Variants in NUB1 observed in about 807,000 individuals in gnomAD.
NUB1 encodes NEDD8 ultimate buster 1.
A neutral mutation model predicts 77.1 loss-of-function variants in NUB1; 41 were observed. That is an observed-to-expected ratio of 0.53 (90% CI 0.41 to 0.69). NUB1 has a LOEUF of 0.69. Ranked by LOEUF, NUB1 falls within the 30% of genes least tolerant of loss-of-function variation. The probability of loss-of-function intolerance (pLI) is 0.00; values close to 1 mark genes in which losing one functional copy is unlikely to be tolerated. For missense variants in NUB1, 643 were observed against 743.8 expected (o/e 0.86, Z 1.58); for synonymous variants, 257 against 281.0 (o/e 0.91, Z 0.85).
intron 8 of NUB1, among the ~76,000 whole-genome samples, chr7:151,364,237 G>T (rs1233988295): frequency 7.3e-5 from 11 of 150,440 alleles, no homozygotes; most frequent in Non-Finnish European, 1.5e-4. Flanking sequence ...CTGGCTAACA[G>T]GGCGAAACCC....
intron 5 of NUB1, among the ~76,000 whole-genome samples, chr7:151,354,428 A>G (rs552504788): frequency 1.3e-5 from 2 of 151,556 alleles, no homozygotes; most frequent in African/African-American, 4.8e-5. Flanking sequence ...AAATCCAGCT[A>G]GTTTTCCAGA....
chr7:151,375,988 G>A (rs373230911), intron 13 of NUB1, 45 bp downstream of exon 13: 273 of 1,198,492 alleles, frequency 2.3e-4, no homozygotes, highest in Non-Finnish European at 2.4e-4. Flanking sequence ...AGCCTCGGGT[G>A]GGGTTGCTTG....
chr7:151,363,952 C>G (rs1156484255), intron 8 of NUB1, among the ~76,000 whole-genome samples: 5 of 151,616 alleles, frequency 3.3e-5, no homozygotes, highest in Non-Finnish European at 7.4e-5. Flanking sequence ...CACTACCACT[C>G]CCGACTAGTT....
rs566592043 is a variant in NUB1 at position 151,345,027 on chromosome 7, C to T, written c.-2-321C>T. 1.2e-3 allele frequency among the ~76,000 whole-genome samples: 189 copies of T among 152,172 alleles called. 1 individual carries two copies. Among genetic ancestry groups the T allele is most frequent in the African/African-American group, 4.1e-3 (170 of 41,530 alleles). The stretch of plus-strand genomic sequence containing the variant: ...AAAAGAAAAAAAGAAGTTCACGACT[C>T]GAGGGATTTATCTTTCTCTTATTTT... On this transcript the variant is annotated intron_variant, in intron 1 of 14. Transcript: ENST00000568733.
intron 8 of NUB1, chr7:151,360,934 C>CTTTTTTT (rs1320765849): frequency 2.4e-4 from 5 of 21,054 alleles, no homozygotes; most frequent in Middle Eastern, 0.031. Flanking sequence ...GCTGTGTCGG[C>CTTTTTTT]TTTTTTTTTT....
At chr7:151,343,218 A>AGG (rs949808963) in intron 1 of NUB1, among the ~76,000 whole-genome samples, 2 of 152,240 alleles carry the variant, frequency 1.3e-5, no homozygotes, top group Admixed American at 6.5e-5. Context: ...TGAAAAATGG[A>AGG]GGATTCTCCC....
chr7:151,344,041 C>T (rs1255246289), intron 1 of NUB1, among the ~76,000 whole-genome samples: 2 of 150,790 alleles, frequency 1.3e-5, no homozygotes, highest in Non-Finnish European at 3.0e-5. Context: ...ATCAGCCGGG[C>T]GTGGTGGCGG....
rs1563020004 is a variant in NUB1, at chr7:151,360,143, C to T, written c.696C>T (p.Ala232=). ...TTTAAATTTGTATTTTTTCCTAGGC[C>T]CTTATGTTAGCTATGGGATATCATG... is the stretch of plus-strand genomic sequence containing the variant. ...SIRIPPSERK[A]LMLAMGYHEK... is the part of the protein sequence containing the mutation. The change falls in exon 8 of 15, where the codon GCC becomes GCT. Residue 232 remains alanine, a splice_region_variant and synonymous_variant. Coordinates refer to ENST00000568733, the MANE Select transcript of NUB1 (RefSeq NM_001243351.2). The T allele has an allele frequency of 1.3e-6, 2 of 1,522,112 alleles. No homozygotes were observed. The highest frequency in any genetic ancestry group is 9.1e-7 in the Non-Finnish European group (1 of 1,101,954). The allele number at this position is 1,522,112 out of a possible 1,614,324, so 94.3% of individuals were successfully genotyped here.
At chr7:151,360,502 C>G (rs150264787) in intron 8 of NUB1, 1 of 354,824 alleles carries the variant, frequency 2.8e-6, no homozygotes, top group Non-Finnish European at 5.1e-6. Context: ...TGTTGCTAGT[C>G]GGAACTTTCC....
intron 1 of NUB1, 153 bp downstream of exon 1, chr7:151,341,999 G>GGGGCCC (rs1796230814): frequency 8.0e-7 from 1 of 1,257,012 alleles, no homozygotes; most frequent in African/African-American, 1.6e-5. Context: ...GGCCGGGGCC[G>GGGGCCC]GGGCCGGGGC....
chr7:151,343,612 C>T (rs910625059), intron 1 of NUB1, among the ~76,000 whole-genome samples: 6 of 152,174 alleles, frequency 3.9e-5, no homozygotes, highest in Non-Finnish European at 8.8e-5. Context: ...TGCCAGCTGC[C>T]TTACATCTCA....
chr7:151,364,525 T>TTTG (rs554851535), intron 8 of NUB1, among the ~76,000 whole-genome samples: 1 of 152,112 alleles, frequency 6.6e-6, no homozygotes, highest in Non-Finnish European at 1.5e-5. Flanking sequence ...GGATTTAATT[T>TTTG]TTGTTGTTGT....
rs561465632 is a variant in NUB1, at chr7:151,359,971, A to G, written c.694-170A>G. Among the ~76,000 whole-genome samples, 8 of 152,350 alleles carry G rather than the reference A, an allele frequency of 5.3e-5. No homozygotes were observed. In the South Asian group the frequency reaches 1.4e-3, roughly 28 times the overall value. On this transcript the variant is annotated intron_variant, in intron 7 of 14. Transcript: ENST00000568733. ...TGAAGTGTTTGGCTTCAGTATTTAA[A>G]TGAAATAAAGCTTTAATTAATTATA... is the stretch of plus-strand genomic sequence containing the variant.
intron 11 of NUB1, among the ~76,000 whole-genome samples, chr7:151,372,610 G>C (rs1207713006): frequency 6.6e-6 from 1 of 152,200 alleles, no homozygotes; most frequent in African/African-American, 2.4e-5. Flanking sequence ...CTGCTGGCAT[G>C]TGTGGTTGGG....
In NUB1 at chr7:151,355,957, A is replaced by G. The variant is rs446886; in HGVS notation, c.598+7A>G. 0.67 allele frequency: 1,081,214 copies of G among 1,612,314 alleles called. 366,511 individuals are homozygous for G. Among genetic ancestry groups the G allele is most frequent in the East Asian group, 0.91 (40,946 of 44,852 alleles). On this transcript the variant is annotated splice_region_variant and intron_variant, in intron 6 of 14. Transcript: ENST00000568733. ...GAAATACTGGCAAAGAGAGGTACCC[A>G]GAGCTCTGGGCTTGTCACCCACTCA... is the stretch of plus-strand genomic sequence containing the variant.
chr7:151,371,869 G>A (rs899140149), intron 11 of NUB1, among the ~76,000 whole-genome samples: 17 of 152,154 alleles, frequency 1.1e-4, no homozygotes, highest in African/African-American at 3.6e-4. Context: ...AAGAGCTCTC[G>A]GCTGATTTTT....
Position 151,349,286 on chromosome 7 carries a change from T to C in NUB1, c.285+46T>C. On this transcript the variant is annotated intron_variant, in intron 3 of 14. Coordinates refer to ENST00000568733, the MANE Select transcript of NUB1 (RefSeq NM_001243351.2). Reference sequence around the variant, plus strand: ...TGAGTAGGCACTAATGTCCAGTTAGTGATGAGGTCAAATAAATTGTTGTTG... The same window carrying C: ...TGAGTAGGCACTAATGTCCAGTTAGCGATGAGGTCAAATAAATTGTTGTTG... 2.1e-6 allele frequency: 3 copies of C among 1,450,048 alleles called. No homozygotes were observed. In the South Asian group the frequency reaches 3.6e-5, roughly 17 times the overall value. The allele number at this position is 1,450,048 out of a possible 1,614,324, so 89.8% of individuals were successfully genotyped here. A position where few individuals can be genotyped will look rare whatever the true frequency, so the allele number is the denominator to read the frequency against.
intron 7 of NUB1, among the ~76,000 whole-genome samples, chr7:151,358,176 T>C (rs1038043073): frequency 8.6e-5 from 13 of 151,844 alleles, no homozygotes; most frequent in Non-Finnish European, 4.4e-5. Flanking sequence ...GGTTTCACCA[T>C]GTTGGCCAGA....
At chr7:151,358,164 G>A (rs112079550) in intron 7 of NUB1, among the ~76,000 whole-genome samples, 2,067 of 151,782 alleles carry the variant, frequency 0.014, 62 homozygotes, top group African/African-American at 0.047. Context: ...TAGTAGAGAC[G>A]GGGTTTCACC....
Sources: gnomAD v4.1 joint callset for allele counts (sites outside exome capture counted in the v4.1 genomes callset) on GRCh38, gnomAD v4.1.1 for gene constraint, MANE v1.5 for transcripts, NCBI Gene and HGNC (gene_info 2026-07-23, HGNC 2026-07-21) for gene names.